R3HDM1: variants seen among roughly 807,000 people sequenced by gnomAD.
The protein encoded by R3HDM1 is R3H domain containing 1.
Under a neutral mutation model 141.1 loss-of-function variants are expected in R3HDM1, and 46 were observed. The observed-to-expected ratio is 0.33, with a 90% CI of 0.26 to 0.42. The LOEUF (loss-of-function observed/expected upper bound fraction) is 0.42. Ranked by LOEUF, R3HDM1 falls within the 10% of genes least tolerant of loss-of-function variation. R3HDM1 has a pLI of 1.00. For missense variants in R3HDM1, 1,184 were observed against 1,368.3 expected (o/e 0.87, Z 2.12); for synonymous variants, 435 against 472.9 (o/e 0.92, Z 1.04).
chr2:135,618,034 C>T (rs2061196881), intron 5 of R3HDM1, among the ~76,000 whole-genome samples: 1 of 152,146 alleles, frequency 6.6e-6, no homozygotes. Flanking sequence ...TTGAAAAGCA[C>T]TACATTTTAT....
chr2:135,717,219 C>T (rs1005855186), intron 24 of R3HDM1, among the ~76,000 whole-genome samples: 4 of 152,136 alleles, frequency 2.6e-5, no homozygotes, highest in African/African-American at 4.8e-5. Context: ...CATGGTGGCT[C>T]ACGCCTGTAA....
chr2:135,722,857 C>T (rs563206223), intron 26 of R3HDM1, among the ~76,000 whole-genome samples: 46 of 152,196 alleles, frequency 3.0e-4, no homozygotes, highest in African/African-American at 1.1e-3. Context: ...TTTGTCCTTA[C>T]ATCCATGTGG....
chr2:135,611,658 T>A (rs1024440101), intron 3 of R3HDM1, among the ~76,000 whole-genome samples: 7 of 152,148 alleles, frequency 4.6e-5, no homozygotes, highest in African/African-American at 1.7e-4. Flanking sequence ...TGTATTTTTA[T>A]TGTTTTTTAT....
At chr2:135,696,183 A>G (rs2073208800) in intron 21 of R3HDM1, among the ~76,000 whole-genome samples, 1 of 152,248 alleles carries the variant, frequency 6.6e-6, no homozygotes, top group Admixed American at 6.5e-5. Context: ...AGCAACATGG[A>G]TGAATCTCAT....
chr2:135,566,392 G>C (rs146374928), intron 1 of R3HDM1, among the ~76,000 whole-genome samples: 57 of 152,286 alleles, frequency 3.7e-4, no homozygotes, highest in Middle Eastern at 6.8e-3. Context: ...AAAGGGATAA[G>C]TTAGGGAGTA....
intron 21 of R3HDM1, among the ~76,000 whole-genome samples, chr2:135,707,100 G>A (rs2075051261): frequency 6.6e-6 from 1 of 152,186 alleles, no homozygotes; most frequent in Admixed American, 6.5e-5. Context: ...AGGAAGTTTG[G>A]GGATAAATGG....
At chr2:135,670,864 G>C (rs1458751444) in intron 19 of R3HDM1, among the ~76,000 whole-genome samples, 4 of 151,980 alleles carry the variant, frequency 2.6e-5, no homozygotes, top group African/African-American at 9.7e-5. Flanking sequence ...TTCAAGACCA[G>C]CCTGGGCAAC....
At chr2:135,603,849 C>T (rs1396242119) in intron 2 of R3HDM1, among the ~76,000 whole-genome samples, 3 of 152,162 alleles carry the variant, frequency 2.0e-5, no homozygotes, top group Non-Finnish European at 2.9e-5. Flanking sequence ...TCAAGCAATC[C>T]GCCCACCTTG....
At chr2:135,697,483 A>T (rs1431783298) in intron 21 of R3HDM1, among the ~76,000 whole-genome samples, 1 of 152,234 alleles carries the variant, frequency 6.6e-6, no homozygotes, top group Non-Finnish European at 1.5e-5. Flanking sequence ...AACAATGTTT[A>T]GCCTAATACT....
At chr2:135,578,074 T>C (rs965233280) in intron 1 of R3HDM1, among the ~76,000 whole-genome samples, 4 of 152,186 alleles carry the variant, frequency 2.6e-5, no homozygotes, top group Non-Finnish European at 5.9e-5. Flanking sequence ...TAAAGAAGTT[T>C]ATCCATTTTA....
intron 18 of R3HDM1, among the ~76,000 whole-genome samples, chr2:135,652,866 A>G (rs755860250): frequency 2.0e-5 from 3 of 152,148 alleles, no homozygotes; most frequent in African/African-American, 4.8e-5. Context: ...ACTAAATTTC[A>G]TACTTTGTTT....
intron 1 of R3HDM1, chr2:135,581,394 T>A (rs1706768374): frequency 1.0e-6 from 1 of 983,954 alleles, no homozygotes; most frequent in African/African-American, 1.7e-5. Flanking sequence ...GGTGCCTTAT[T>A]TCTATAATTA....
At chr2:135,648,514 A>C (rs1266543317) in intron 16 of R3HDM1, among the ~76,000 whole-genome samples, 1 of 152,214 alleles carries the variant, frequency 6.6e-6, no homozygotes, top group East Asian at 1.9e-4. Flanking sequence ...AAGGAGATGC[A>C]TGAATATACA....
rs147373715 is a variant in R3HDM1 at position 135,680,373 on chromosome 2, G to A, written c.2459+49G>A. ...TCTTCCAGCTTCTCATTGTTTACCA[G>A]GATTATGGTCTGTTGCTAGTTTTAA... On this transcript the variant is annotated intron_variant, in intron 21 of 26. Coordinates refer to ENST00000683871, the MANE Select transcript of R3HDM1 (RefSeq NM_001378107.1). 44 of 1,594,436 alleles carry A rather than the reference G, an allele frequency of 2.8e-5. No individual in the cohort carries two copies. In the Admixed American group the frequency reaches 3.9e-4, roughly 14 times the overall value.
rs185579686 is a variant in R3HDM1, at chr2:135,640,621, A to T, written c.1220-915A>T. Among the ~76,000 whole-genome samples the T allele has an allele frequency of 1.9e-3, 286 of 152,332 alleles. 2 individuals carry two copies. Among genetic ancestry groups the T allele is most frequent in the African/African-American group, 6.7e-3 (278 of 41,576 alleles). On this transcript the variant is annotated intron_variant, in intron 14 of 26. Transcript: ENST00000683871. ...TGAAGAGTCATTTTGGCATAACTTA[A>T]AATAGAAGCTGTCCTTCAGAAGGCA...
intron 2 of R3HDM1, 26 bp from the exon 3 acceptor site, chr2:135,604,780 A>G (rs774502931): frequency 6.5e-7 from 1 of 1,540,572 alleles, no homozygotes; most frequent in Non-Finnish European, 8.9e-7. Flanking sequence ...AAAAGTTTCA[A>G]ACTGTATTAA....
chr2:135,673,358 C>A (rs1244077084), intron 19 of R3HDM1, among the ~76,000 whole-genome samples: 1 of 152,136 alleles, frequency 6.6e-6, no homozygotes, highest in East Asian at 1.9e-4. Context: ...GTTGAGGTGG[C>A]ATTTCCAACA....
At position 135,605,035 on chromosome 2, in the gene R3HDM1, C is replaced by G. The variant is rs2059928368; in HGVS notation, c.171+19C>G. On this transcript the variant is annotated intron_variant, in intron 3 of 26. Transcript: ENST00000683871. ...TTTGCAGGTAAACAGGAATTTTTCT[C>G]TGGCTACAAATACTAAATATTCAGT... is the stretch of plus-strand genomic sequence containing the variant. 2 of 1,521,002 alleles carry G rather than the reference C, an allele frequency of 1.3e-6. No individual in the cohort carries two copies. The highest frequency in any genetic ancestry group is 1.8e-6 in the Non-Finnish European group (2 of 1,106,458). The allele number at this position is 1,521,002 out of a possible 1,614,324, so 94.2% of individuals were successfully genotyped here. A position where few individuals can be genotyped will look rare whatever the true frequency, so the allele number is the denominator to read the frequency against.
At chr2:135,538,552 C>CTGAAAAA (rs1696740784) in intron 1 of R3HDM1, among the ~76,000 whole-genome samples, 2 of 152,146 alleles carry the variant, frequency 1.3e-5, no homozygotes, top group Non-Finnish European at 2.9e-5. Context: ...TATAGCTGTA[C>CTGAAAAA]AAAAATATTT....
Sources: allele counts gnomAD v4.1 joint callset (sites outside exome capture counted in the v4.1 genomes callset), GRCh38; gene constraint gnomAD v4.1.1; transcripts MANE v1.5; gene names NCBI Gene and HGNC (gene_info 2026-07-23, HGNC 2026-07-21).